Variants in FBXL16 observed in about 807,000 individuals in gnomAD.
The protein encoded by FBXL16 is F-box/LRR-repeat protein 16.
In FBXL16, 7 loss-of-function variants were observed where a neutral mutation model predicts 36.7. That is an observed-to-expected ratio of 0.19 (90% CI 0.11 to 0.36). FBXL16 has a LOEUF of 0.36. FBXL16 is among the 10% of genes least tolerant of loss of function. The pLI is 1.00. For synonymous variants in FBXL16, 355 were observed against 308.7 expected (o/e 1.15, Z -1.57); for missense variants, 463 against 659.4 (o/e 0.70, Z 3.26).
rs966164917 is a variant in FBXL16 at position 697,932 on chromosome 16, G to A, written c.-14-513C>T. ...GGAGAATGACGTGAACCCGGGAGGCGGAGCTTGCAGTGAGCCGAGATTGCG... is the reference window on the plus strand; with the variant it reads ...GGAGAATGACGTGAACCCGGGAGGCAGAGCTTGCAGTGAGCCGAGATTGCG... On this transcript the variant is annotated intron_variant, in intron 1 of 5. Transcript: ENST00000397621. This position sits in a 1 kb window ranked among gnomAD's most constrained non-coding sequence, Gnocchi z 4.6. 4.6e-5 allele frequency among the ~76,000 whole-genome samples: 7 copies of A among 151,780 alleles called. No individual in the cohort carries two copies. The highest frequency in any genetic ancestry group is 9.7e-5 in the African/African-American group (4 of 41,298).
Position 697,445 on chromosome 16 carries a change from G to A in FBXL16, c.-14-26C>T. Reference sequence around the variant, plus strand: ...CTGTGGATGAGGGCCGGGAGGGGGAGTGAGTCTGTTGCTGAGTCTGGAAGG... The same window carrying A: ...CTGTGGATGAGGGCCGGGAGGGGGAATGAGTCTGTTGCTGAGTCTGGAAGG... On this transcript the variant is annotated intron_variant, in intron 1 of 5. Coordinates refer to ENST00000397621, the MANE Select transcript of FBXL16 (RefSeq NM_153350.4). This position sits in a 1 kb window ranked among gnomAD's most constrained non-coding sequence, Gnocchi z 4.6. The A allele has an allele frequency of 6.6e-7, 1 of 1,509,128 alleles. No individual in the cohort carries two copies. The highest frequency in any genetic ancestry group is 8.8e-7 in the Non-Finnish European group (1 of 1,132,122). The allele number at this position is 1,509,128 out of a possible 1,614,324, so 93.5% of individuals were successfully genotyped here. A position where few individuals can be genotyped will look rare whatever the true frequency, so the allele number is the denominator to read the frequency against.
chr16:696,011 G>A lies in FBXL16; in HGVS notation c.634-88C>T, dbSNP rs112597043. ...GCAGTAGGGTGTAAACATGCAGGGA[G>A]CTGAACCCTGAAAACATTTGGCAGT... On this transcript the variant is annotated intron_variant, in intron 2 of 5. Transcript: ENST00000397621. The A allele has an allele frequency of 9.6e-3, 13,988 of 1,460,234 alleles. 566 individuals are homozygous for A. In the African/African-American group the frequency reaches 0.12, roughly 13 times the overall value. The allele number at this position is 1,460,234 out of a possible 1,614,324, so 90.5% of individuals were successfully genotyped here.
chr16:695,285 T>G (rs1449668275), intron 3 of FBXL16, 130 bp downstream of exon 3: 5 of 1,181,520 alleles, frequency 4.2e-6, no homozygotes, highest in Non-Finnish European at 5.5e-6. Context: ...CTCCGAGGGC[T>G]CTGCCCGCCG....
In FBXL16 at chr16:694,192, G is replaced by A; in HGVS notation, c.*83C>T. 4 of 1,049,760 alleles carry A rather than the reference G, an allele frequency of 3.8e-6. No homozygotes were observed. Among genetic ancestry groups the A allele is most frequent in the Non-Finnish European group, 4.9e-6 (4 of 815,594 alleles). The allele number at this position is 1,049,760 out of a possible 1,614,324, so 65.0% of individuals were successfully genotyped here. On this transcript the variant is annotated 3_prime_UTR_variant, in exon 6 of 6. Coordinates refer to ENST00000397621, the MANE Select transcript of FBXL16 (RefSeq NM_153350.4). ...GGCGCGGGGGCTCCCCCGAGCGCAA[G>A]GCGGGAAGAGGGGGCTCGGCGGCGC...
chr16:694,824 G>A, intron 4 of FBXL16, 127 bp from the exon 5 acceptor site: 1 of 1,293,866 alleles, frequency 7.7e-7, no homozygotes, highest in Non-Finnish European at 1.1e-6. Context: ...GCCGGGAGGC[G>A]GCTGGGAAGT....
chr16:704,464 C>T (rs1308920412), intron 1 of FBXL16, among the ~76,000 whole-genome samples: 2 of 152,232 alleles, frequency 1.3e-5, no homozygotes, highest in African/African-American at 2.4e-5. Flanking sequence ...CTTGAATTTC[C>T]CTCCCCTCCA....
chr16:700,177 G>C (rs942494941), intron 1 of FBXL16, among the ~76,000 whole-genome samples: 15 of 152,214 alleles, frequency 9.9e-5, no homozygotes, highest in African/African-American at 3.6e-4. Context: ...GTAGACCGGA[G>C]CCGGGACCAG....
chr16:693,911 GC>G lies in FBXL16; in HGVS notation c.*363del, dbSNP rs1035483518. ...AAGGGCACAGTCTGGAGAGCTCAAA[GC>G]CCCCCCAAGGACCGAGCCCCGCCCC... is the stretch of plus-strand genomic sequence containing the variant. On this transcript the variant is annotated 3_prime_UTR_variant, in exon 6 of 6. Transcript: ENST00000397621. 8.8e-5 allele frequency: 14 copies of G among 158,282 alleles called. No homozygotes were observed. Among genetic ancestry groups the G allele is most frequent in the African/African-American group, 3.1e-4 (13 of 41,510 alleles). The allele number at this position is 158,282 out of a possible 1,614,324, so 9.8% of individuals were successfully genotyped here.
At chr16:703,441 C>G (rs901909625) in intron 1 of FBXL16, among the ~76,000 whole-genome samples, 5 of 152,338 alleles carry the variant, frequency 3.3e-5, no homozygotes, top group Admixed American at 6.5e-5. Context: ...GACCATTGAG[C>G]CCTGCCTGCA....
chr16:694,616 C>T lies in FBXL16; in HGVS notation c.1291+18G>A, dbSNP rs1462313089. 1.2e-6 allele frequency: 2 copies of T among 1,605,156 alleles called. No individual in the cohort carries two copies. Among genetic ancestry groups the T allele is most frequent in the African/African-American group, 2.7e-5 (2 of 74,830 alleles). ...TGGGTGGTCACTGCCAGCGTCAGAGCAGAAACGGGGGTCTCACCTGCCAGA... is the reference window on the plus strand; with the variant it reads ...TGGGTGGTCACTGCCAGCGTCAGAGTAGAAACGGGGGTCTCACCTGCCAGA... On this transcript the variant is annotated intron_variant, in intron 5 of 5. Transcript: ENST00000397621.
At chr16:696,654 C>A (rs1596573184) in intron 2 of FBXL16, 119 bp downstream of exon 2, 1 of 1,063,800 alleles carries the variant, frequency 9.4e-7, no homozygotes, top group East Asian at 3.3e-5. Flanking sequence ...TGCGCGAGGT[C>A]CCCTGTAGTC....
In FBXL16 at chr16:697,500, C is replaced by G; in HGVS notation, c.-14-81G>C. On this transcript the variant is annotated intron_variant, in intron 1 of 5. Transcript: ENST00000397621. This position sits in a 1 kb window ranked among gnomAD's most constrained non-coding sequence, Gnocchi z 4.6. ...GGTTGGGGGCGGGTGCAGTGGGGCT[C>G]CTTCCCTCCTTGGGCGTCCCTATGG... 1.6e-5 allele frequency: 23 copies of G among 1,446,744 alleles called. No individual in the cohort carries two copies. Among genetic ancestry groups the G allele is most frequent in the Non-Finnish European group, 2.0e-5 (22 of 1,099,106 alleles). The allele number at this position is 1,446,744 out of a possible 1,614,324, so 89.6% of individuals were successfully genotyped here.
At chr16:704,681 C>T (rs1240168832) in intron 1 of FBXL16, among the ~76,000 whole-genome samples, 1 of 152,264 alleles carries the variant, frequency 6.6e-6, no homozygotes, top group Non-Finnish European at 1.5e-5. Flanking sequence ...TGCCCCTGGC[C>T]ATTGGGCCCT....
Position 695,474 on chromosome 16 carries a change from G to A in FBXL16, c.1083C>T (p.Asp361=). The A allele has an allele frequency of 6.3e-7, 1 of 1,579,878 alleles. No individual in the cohort carries two copies. Residue 361 remains aspartate (D), a synonymous_variant, in exon 3 of 6, where the codon GAC becomes GAT. Transcript: ENST00000397621. ...CGCAGGCCACGTACTCCAGCGCCAT[G>A]TCGGTGATGCGTGGGCACCACGAGA... ...LDLSWCPRIT[D]MALEYVACDL... is the part of the protein sequence containing the mutation.
At chr16:704,293 C>T (rs1488260504) in intron 1 of FBXL16, among the ~76,000 whole-genome samples, 5 of 152,164 alleles carry the variant, frequency 3.3e-5, no homozygotes, top group Non-Finnish European at 5.9e-5. Flanking sequence ...CTCGTCCAGC[C>T]GCCCCGGAAG....
chr16:704,904 C>T (rs558249001), intron 1 of FBXL16, among the ~76,000 whole-genome samples: 19 of 152,356 alleles, frequency 1.2e-4, no homozygotes, highest in Admixed American at 1.1e-3. Context: ...CACCTAATCC[C>T]CAGGAGGACA....
chr16:697,434 C>A lies in FBXL16; in HGVS notation c.-14-15G>T. ...CCTGGCACGCTCTGTGGATGAGGGC[C>A]GGGAGGGGGAGTGAGTCTGTTGCTG... On this transcript the variant is annotated splice_polypyrimidine_tract_variant and intron_variant, in intron 1 of 5. Coordinates refer to ENST00000397621, the MANE Select transcript of FBXL16 (RefSeq NM_153350.4). The surrounding 1 kb of genome is among the most constrained non-coding windows in gnomAD (Gnocchi z 4.6). The A allele has an allele frequency of 6.6e-7, 1 of 1,507,638 alleles. No homozygotes were observed. The allele number at this position is 1,507,638 out of a possible 1,614,324, so 93.4% of individuals were successfully genotyped here. A position where few individuals can be genotyped will look rare whatever the true frequency, so the allele number is the denominator to read the frequency against.
chr16:697,203 G>A lies in FBXL16; in HGVS notation c.203C>T (p.Ala68Val), dbSNP rs746548753. Residue 68 changes from alanine (A) to valine (V), a missense_variant, in exon 2 of 6, where the codon GCC (alanine) becomes GTC (valine). This residue lies in a region of FBXL16 where 263 missense variants were observed against 341.1 expected (regional missense o/e 0.77). Coordinates refer to ENST00000397621, the MANE Select transcript of FBXL16 (RefSeq NM_153350.4). This position sits in a 1 kb window ranked among gnomAD's most constrained non-coding sequence, Gnocchi z 4.6. ...CGGGGTGCACGGGCCCCCAGCCAGG[G>A]CAGCCCGGGACAGTGGAGCAGCCAG... ...PSLAAPLSRA[A>V]LAGGPCTPAG... The A allele has an allele frequency of 6.5e-7, 1 of 1,530,124 alleles. No homozygotes were observed. Among genetic ancestry groups the A allele is most frequent in the Admixed American group, 1.9e-5 (1 of 53,016 alleles). 94.8% of individuals were successfully genotyped at this position (1,530,124 alleles called of 1,614,324 possible).
chr16:695,660 C>G lies in FBXL16; in HGVS notation c.897G>C (p.Leu299=). Residue 299 remains leucine (L), a synonymous_variant, in exon 3 of 6, where the codon CTG becomes CTC. Transcript: ENST00000397621. ...TGATCTCCCAGCAGGAGAGCAGGCG[C>G]AGCGTGTGCGTGCTGTGGCCCTGGC... ...TARQGHSTHT[L]RLLSCWEITN... is the part of the protein sequence containing the mutation. The G allele has an allele frequency of 1.2e-6, 2 of 1,606,588 alleles. No individual in the cohort carries two copies. The highest frequency in any genetic ancestry group is 2.2e-5 in the South Asian group (2 of 90,854).
Sources: allele counts gnomAD v4.1 joint callset (sites outside exome capture counted in the v4.1 genomes callset), GRCh38; gene constraint gnomAD v4.1.1; regional missense constraint gnomAD v4.1.1; non-coding constraint Gnocchi (gnomAD v3.1); transcripts MANE v1.5; gene names NCBI Gene and HGNC (gene_info 2026-07-23, HGNC 2026-07-21).